Variants in MICAL2 observed in about 807,000 individuals in gnomAD.
MICAL2 encodes [F-actin]-monooxygenase MICAL2.
Under a neutral mutation model 127.3 loss-of-function variants are expected in MICAL2, and 77 were observed. The observed-to-expected ratio is 0.60, with a 90% CI of 0.50 to 0.73. MICAL2 has a LOEUF of 0.73. Ranked by LOEUF, MICAL2 falls within the 30% of genes least tolerant of loss-of-function variation. MICAL2 has a pLI of 0.00. For missense variants in MICAL2, 1,351 were observed against 1,434.4 expected (o/e 0.94, Z 0.94); for synonymous variants, 570 against 551.1 (o/e 1.03, Z -0.48).
chr11:12,309,166 A>G (rs1396047993), intron 29 of MICAL2, among the ~76,000 whole-genome samples: 1 of 152,188 alleles, frequency 6.6e-6, no homozygotes, highest in African/African-American at 2.4e-5. Flanking sequence ...TCAAACATTC[A>G]TCTCTTCTTT....
At chr11:12,287,005 G>A (rs970869566) in intron 2 of MICAL2, 5 of 398,434 alleles carry the variant, frequency 1.3e-5, no homozygotes, top group Non-Finnish European at 2.2e-5. Flanking sequence ...TTGAGCTATA[G>A]GAGATAAATT....
chr11:12,242,383 T>C lies in MICAL2; in HGVS notation c.2507T>C (p.Leu836Pro), dbSNP rs1326794787. Residue 836 changes from leucine to proline, a missense_variant, in exon 19 of 28, where the codon CTT (leucine) becomes CCT (proline). This residue lies in a region of MICAL2 where 752 missense variants were observed against 719.4 expected (regional missense o/e 1.05). Coordinates refer to ENST00000683283, the MANE Select transcript of MICAL2 (RefSeq NM_001282663.2). ...LPSTRPRAQA[L>P]SGVLWRLQQV... ...TCTACCCGCCCGAGGGCGCAGGCTC[T>C]TTCCGGGGTGCTGTGGCGGCTGCAG... The C allele has an allele frequency of 9.9e-6, 16 of 1,613,064 alleles. No individual in the cohort carries two copies. Among genetic ancestry groups the C allele is most frequent in the Non-Finnish European group, 1.4e-5 (16 of 1,179,316 alleles).
chr11:12,221,078 G>A (rs16910810), intron 9 of MICAL2, among the ~76,000 whole-genome samples: 1,550 of 152,334 alleles, frequency 0.01, 21 homozygotes, highest in African/African-American at 0.036. Context: ...CAGCTTGGTT[G>A]ACTTGGTCCT....
At chr11:12,319,902 TG>T (rs1864273798) in intron 30 of MICAL2, 2 of 928,168 alleles carry the variant, frequency 2.2e-6, no homozygotes, top group Non-Finnish European at 3.5e-6. Flanking sequence ...CCAGCTGCAG[TG>T]GTTTCCTTAG....
chr11:12,342,412 A>T (rs2134883658), intron 32 of MICAL2, among the ~76,000 whole-genome samples: 1 of 152,346 alleles, frequency 6.6e-6, no homozygotes, highest in South Asian at 2.1e-4. Flanking sequence ...GCCAAAAAAA[A>T]ATTATTATTT....
chr11:12,336,381 C>T (rs1285044863), intron 32 of MICAL2, among the ~76,000 whole-genome samples: 4 of 152,214 alleles, frequency 2.6e-5, no homozygotes, highest in South Asian at 2.1e-4. Context: ...TCTAGATATA[C>T]AATCATGTCA....
intron 1 of MICAL2, among the ~76,000 whole-genome samples, chr11:12,125,276 C>T (rs572915768): frequency 3.9e-5 from 6 of 152,252 alleles, no homozygotes; most frequent in East Asian, 3.9e-4. Context: ...TTTTTTGAGA[C>T]GGAGTCTCGC....
intron 11 of MICAL2, among the ~76,000 whole-genome samples, 164 bp downstream of exon 11, chr11:12,222,907 A>G (rs998660622): frequency 9.9e-5 from 15 of 152,220 alleles, no homozygotes; most frequent in Admixed American, 9.8e-4. Context: ...TCGAGTCAGC[A>G]TTCTTTCTAG....
At chr11:12,349,869 G>T in exon 33 of MICAL2, 1 of 1,614,160 alleles carries the variant, frequency 6.2e-7, no homozygotes. Context: ...CACAGCTTTT[G>T]CAGGAATGGT....
chr11:12,266,804 G>A (rs2134745282), downstream of MICAL2, among the ~76,000 whole-genome samples: 1 of 152,362 alleles, frequency 6.6e-6, no homozygotes, highest in South Asian at 2.1e-4. Flanking sequence ...CTGACTCAGT[G>A]GCATTAGACA....
At chr11:12,236,306 G>A (rs369302045) in intron 16 of MICAL2, 61 bp downstream of exon 16, 30 of 1,476,938 alleles carry the variant, frequency 2.0e-5, no homozygotes, top group Admixed American at 5.0e-5. Flanking sequence ...GTGGCCACAG[G>A]CAGCCTCACT....
chr11:12,344,673 G>T (rs1251217077), intron 32 of MICAL2, among the ~76,000 whole-genome samples: 1 of 149,874 alleles, frequency 6.7e-6, no homozygotes, highest in Non-Finnish European at 1.5e-5. Context: ...CTAACTTTTG[G>T]TATTTTCAGT....
intron 30 of MICAL2, chr11:12,319,884 T>C (rs565209894): frequency 2.7e-6 from 3 of 1,102,528 alleles, no homozygotes; most frequent in Non-Finnish European, 4.2e-6. Context: ...TCAGAACCAA[T>C]GTGGGCTCCA....
intron 29 of MICAL2, among the ~76,000 whole-genome samples, chr11:12,311,370 CT>C (rs936041719): frequency 2.7e-5 from 4 of 150,440 alleles, no homozygotes; most frequent in African/African-American, 4.9e-5. Flanking sequence ...ATTTTTCTTT[CT>C]TTTTTTTTGG....
chr11:12,310,656 G>A (rs970402569), intron 29 of MICAL2, among the ~76,000 whole-genome samples: 3 of 151,792 alleles, frequency 2.0e-5, no homozygotes, highest in Non-Finnish European at 4.4e-5. Flanking sequence ...AGCTATTTGG[G>A]GTCTTTCGTG....
chr11:12,315,689 C>T (rs1864224385), intron 29 of MICAL2, among the ~76,000 whole-genome samples: 1 of 152,078 alleles, frequency 6.6e-6, no homozygotes, highest in Non-Finnish European at 1.5e-5. Flanking sequence ...GAAATGTTTC[C>T]TGTGCGCTTT....
At chr11:12,185,205 GT>G (rs1858066996) in intron 3 of MICAL2, among the ~76,000 whole-genome samples, 3 of 136,210 alleles carry the variant, frequency 2.2e-5, no homozygotes, top group Non-Finnish European at 3.2e-5. Flanking sequence ...GGGGGGATGG[GT>G]GGGTGGCAGG....
chr11:12,349,983 G>A, intron 33 of MICAL2: 2 of 1,537,364 alleles, frequency 1.3e-6, no homozygotes, highest in Non-Finnish European at 9.0e-7. Context: ...AAGCAAAGGG[G>A]CAAAGGGGGG....
rs1328614520 is a variant in MICAL2 at position 12,242,774 on chromosome 11, T to TAAACA, written c.2658+3_2658+7dup. 3.1e-6 allele frequency: 5 copies of TAAACA among 1,601,552 alleles called. No individual in the cohort carries two copies. Among genetic ancestry groups the TAAACA allele is most frequent in the Non-Finnish European group, 4.3e-6 (5 of 1,175,148 alleles). On this transcript the variant is annotated splice_region_variant and intron_variant, in intron 20 of 27. Coordinates refer to ENST00000683283, the MANE Select transcript of MICAL2 (RefSeq NM_001282663.2). ...TTTGGACACGGGGATTTCCCGCAGG[T>TAAACA]AAACATGGGGCTTTCAGAGCCCCCA...
Sources: allele counts gnomAD v4.1 joint callset (sites outside exome capture counted in the v4.1 genomes callset), GRCh38; gene constraint gnomAD v4.1.1; regional missense constraint gnomAD v4.1.1; transcripts MANE v1.5; gene names NCBI Gene and HGNC (gene_info 2026-07-23, HGNC 2026-07-21).